The following EYS variants were observed in gnomAD, a reference collection of about 807,000 sequenced individuals.
EYS encodes protein eyes shut homolog.
A neutral mutation model predicts 282.1 loss-of-function variants in EYS; 250 were observed. The observed-to-expected ratio is 0.89, with a 90% CI of 0.80 to 0.98. EYS has a LOEUF of 0.98. Among genes scored for constraint, EYS ranks in the 50% least tolerant of loss-of-function variants. The probability of loss-of-function intolerance (pLI) is 0.00; values close to 1 mark genes in which losing one functional copy is unlikely to be tolerated. For synonymous variants in EYS, 1,355 were observed against 1,282.9 expected (o/e 1.06, Z -1.20); for missense variants, 4,016 against 3,709.0 (o/e 1.08, Z -2.15).
At chr6:64,505,102 T>C (rs1037811284) in intron 26 of EYS, among the ~76,000 whole-genome samples, 2 of 152,222 alleles carry the variant, frequency 1.3e-5, no homozygotes, top group Non-Finnish European at 2.9e-5. Context: ...TGCTTAGTTA[T>C]GAGGCTGCAA....
At chr6:63,903,010 T>C (rs1773693403) in intron 35 of EYS, among the ~76,000 whole-genome samples, 1 of 151,834 alleles carries the variant, frequency 6.6e-6, no homozygotes, top group South Asian at 2.1e-4. Flanking sequence ...AAAGAGTGAA[T>C]AGCTTTGGGA....
chr6:64,568,595 A>G (rs1562066609), intron 26 of EYS, among the ~76,000 whole-genome samples: 1 of 152,122 alleles, frequency 6.6e-6, no homozygotes, highest in Non-Finnish European at 1.5e-5. Flanking sequence ...CTCTGAAGAG[A>G]GAAGCGGATC....
chr6:64,168,192 G>C (rs532725038), intron 31 of EYS, among the ~76,000 whole-genome samples: 56 of 152,088 alleles, frequency 3.7e-4, no homozygotes, highest in African/African-American at 1.3e-3. Context: ...ACCCGGGAGG[G>C]GGAGCTTGCA....
rs1398205030 is a variant in EYS, at chr6:64,639,052, G to A, written c.3444-12807C>T. Among the ~76,000 whole-genome samples the A allele has an allele frequency of 2.2e-5, 2 of 89,344 alleles. 1 individual carries two copies. Among genetic ancestry groups the A allele is most frequent in the Non-Finnish European group, 4.7e-5 (2 of 42,272 alleles). The allele number at this position is 89,344 out of a possible 152,430, so 58.6% of individuals were successfully genotyped here. On this transcript the variant is annotated intron_variant, in intron 22 of 42. Transcript: ENST00000503581. The stretch of plus-strand genomic sequence containing the variant: ...CCAGATGTCCAAAATCCATGTGTGG[G>A]CAGGATGACAGGATTGGTATCCTCT...
intron 30 of EYS, among the ~76,000 whole-genome samples, chr6:64,258,803 T>C (rs1767488661): frequency 6.6e-6 from 1 of 152,014 alleles, no homozygotes; most frequent in Non-Finnish European, 1.5e-5. Context: ...TACAGTTTTT[T>C]TTCCATGTTA....
At position 64,081,473 on chromosome 6, in the gene EYS, A is replaced by G. The variant is rs560461596; in HGVS notation, c.6571+383T>C. On this transcript the variant is annotated intron_variant, in intron 32 of 42. Coordinates refer to ENST00000503581, the MANE Select transcript of EYS (RefSeq NM_001142800.2). ...GTGGTAGGAATTTACTTGATTGTCA[A>G]ATGAACCCCAGCTTTGGAATGCCTT... Among the ~76,000 whole-genome samples, 8 of 152,340 alleles carry G rather than the reference A, an allele frequency of 5.3e-5. No homozygotes were observed. In the East Asian group the frequency reaches 5.8e-4, roughly 11 times the overall value.
At chr6:64,352,840 C>T (rs1318854147) in intron 29 of EYS, among the ~76,000 whole-genome samples, 2 of 151,432 alleles carry the variant, frequency 1.3e-5, no homozygotes, top group Non-Finnish European at 3.0e-5. Flanking sequence ...ATTTTCTCTC[C>T]ATCAACCTTA....
At chr6:64,296,528 AT>A (rs1768995127) in intron 30 of EYS, among the ~76,000 whole-genome samples, 1 of 144,350 alleles carries the variant, frequency 6.9e-6, no homozygotes. Context: ...CTAGACAACA[AT>A]TGTACTGGCA....
intron 35 of EYS, among the ~76,000 whole-genome samples, chr6:63,929,838 A>C (rs1032097432): frequency 6.6e-6 from 1 of 152,184 alleles, no homozygotes; most frequent in Admixed American, 6.5e-5. Flanking sequence ...TTTCTTGATC[A>C]ATCAAATTCT....
intron 2 of EYS, among the ~76,000 whole-genome samples, chr6:65,599,288 G>A (rs1463209490): frequency 1.3e-5 from 2 of 152,098 alleles, no homozygotes; most frequent in Non-Finnish European, 2.9e-5. Flanking sequence ...ACGGTAAACT[G>A]TATATCTCTT....
In EYS at chr6:64,166,914, T is replaced by G. The variant is rs192292213; in HGVS notation, c.6424+63678A>C. On this transcript the variant is annotated intron_variant, in intron 31 of 42. Transcript: ENST00000503581. Reference sequence around the variant, plus strand: ...CCTGGACACAATAATGTGCTATTCCTTTTTCACTCTCACTGTGATAAAAAT... The same window carrying G: ...CCTGGACACAATAATGTGCTATTCCGTTTTCACTCTCACTGTGATAAAAAT... Among the ~76,000 whole-genome samples, 284 of 152,266 alleles carry G rather than the reference T, an allele frequency of 1.9e-3. 1 individual carries two copies. The highest frequency in any genetic ancestry group is 2.3e-3 in the Non-Finnish European group (156 of 68,024).
Position 63,895,829 on chromosome 6 carries a change from G to A in EYS, c.7056-31471C>T, listed in dbSNP as rs558109140. 8.0e-5 allele frequency among the ~76,000 whole-genome samples: 12 copies of A among 150,288 alleles called. 1 individual carries two copies. The East Asian group carries it at 2.0e-3, about 25-fold the overall frequency. On this transcript the variant is annotated intron_variant, in intron 35 of 42. Coordinates refer to ENST00000503581, the MANE Select transcript of EYS (RefSeq NM_001142800.2). Reference sequence around the variant, plus strand: ...TCCTTATTTGCTGAACTCTTCCTCCGCTTAATACACTCTTTCTCCAAATCT... The same window carrying A: ...TCCTTATTTGCTGAACTCTTCCTCCACTTAATACACTCTTTCTCCAAATCT...
intron 22 of EYS, among the ~76,000 whole-genome samples, chr6:64,747,432 TG>T (rs1772594695): frequency 6.6e-6 from 1 of 152,198 alleles, no homozygotes; most frequent in African/African-American, 2.4e-5. Flanking sequence ...TGGAATGCAG[TG>T]GAGCAATCTC....
chr6:65,140,081 T>G (rs138883005), intron 12 of EYS, among the ~76,000 whole-genome samples: 4 of 152,138 alleles, frequency 2.6e-5, no homozygotes, highest in African/African-American at 9.6e-5. Flanking sequence ...TTTGTAATGA[T>G]CTGAAAAGAA....
intron 22 of EYS, among the ~76,000 whole-genome samples, chr6:64,635,736 T>C (rs1007002346): frequency 1.1e-4 from 17 of 152,224 alleles, no homozygotes; most frequent in African/African-American, 3.6e-4. Context: ...CAGTATTTTA[T>C]TGAGGATTTT....
rs559909513 is a variant in EYS at position 65,337,499 on chromosome 6, A to G, written c.1600-2353T>C. On this transcript the variant is annotated intron_variant, in intron 10 of 42. Coordinates refer to ENST00000503581, the MANE Select transcript of EYS (RefSeq NM_001142800.2). ...GCAACAAATTCTAGCATTTTATGACACTACTTTATTTTTCTATCTATCTCT... is the reference window on the plus strand; with the variant it reads ...GCAACAAATTCTAGCATTTTATGACGCTACTTTATTTTTCTATCTATCTCT... Among the ~76,000 whole-genome samples the G allele has an allele frequency of 4.6e-5, 7 of 151,386 alleles. No homozygotes were observed. In the East Asian group the frequency reaches 9.8e-4, roughly 21 times the overall value.
chr6:65,036,675 A>G (rs886545278), intron 13 of EYS, among the ~76,000 whole-genome samples: 1 of 151,860 alleles, frequency 6.6e-6, no homozygotes, highest in Non-Finnish European at 1.5e-5. Context: ...AACATTTGTC[A>G]GAAGGTGACA....
At chr6:63,781,950 T>A (rs150824681) in intron 39 of EYS, among the ~76,000 whole-genome samples, 1 of 152,350 alleles carries the variant, frequency 6.6e-6, no homozygotes, top group Admixed American at 6.5e-5. Flanking sequence ...TTGAGAGTTT[T>A]TATCATGAAG....
chr6:64,347,338 A>G (rs1582634395), intron 29 of EYS, among the ~76,000 whole-genome samples: 1 of 151,578 alleles, frequency 6.6e-6, no homozygotes, highest in East Asian at 2.0e-4. Context: ...ATTAATCCTT[A>G]GGCTAATGCA....
Sources: allele counts gnomAD v4.1 joint callset (sites outside exome capture counted in the v4.1 genomes callset), GRCh38; gene constraint gnomAD v4.1.1; transcripts MANE v1.5; gene names NCBI Gene and HGNC (gene_info 2026-07-23, HGNC 2026-07-21).